Variants in ST8SIA5 observed in about 807,000 individuals in gnomAD.
ST8SIA5 encodes ST8 alpha-N-acetyl-neuraminide alpha-2,8-sialyltransferase 5.
A neutral mutation model predicts 40.2 loss-of-function variants in ST8SIA5; 24 were observed. The ratio of observed to expected loss-of-function variants is 0.60; its 90% CI spans 0.43 to 0.84. The LOEUF is 0.84. Ranked by LOEUF, ST8SIA5 falls within the 40% of genes least tolerant of loss-of-function variation. ST8SIA5 has a pLI of 0.00. For synonymous variants in ST8SIA5, 198 were observed against 201.8 expected, an observed-to-expected ratio of 0.98 and a Z score of 0.16; for missense variants, 465 against 498.5, an observed-to-expected ratio of 0.93 and a Z score of 0.64.
intron 1 of ST8SIA5, among the ~76,000 whole-genome samples, chr18:46,740,324 G>T (rs1487239918): frequency 6.6e-6 from 1 of 151,742 alleles, no homozygotes; most frequent in East Asian, 1.9e-4. Context: ...CACAAATAAT[G>T]CAAAAGAGAA....
At position 46,688,882 on chromosome 18, in the gene ST8SIA5, G is replaced by A; in HGVS notation, c.349C>T (p.Leu117Phe). 6.2e-7 allele frequency: 1 copy of A among 1,614,144 alleles called. No homozygotes were observed. The highest frequency in any genetic ancestry group is 8.5e-7 in the Non-Finnish European group (1 of 1,180,006). The change falls in exon 4 of 7, where the codon CTC becomes TTC. Residue 117 changes from leucine to phenylalanine, a missense_variant. Leu to Phe is a conservative substitution (Grantham distance 22, BLOSUM62 0). Transcript: ENST00000315087. ...LSRCCNAPAFLFTTQKNTPLG... is the reference protein window; with the variant it reads ...LSRCCNAPAFFFTTQKNTPLG... ...GGAGTGTTCTTCTGGGTGGTGAAGA[G>A]AAAGGCAGGGGCGTTGCAGCACCTG...
chr18:46,744,824 T>A (rs2040122845), intron 1 of ST8SIA5, among the ~76,000 whole-genome samples: 1 of 152,288 alleles, frequency 6.6e-6, no homozygotes, highest in East Asian at 1.9e-4. Context: ...AGTAAAGCAC[T>A]CCTCAGCAAA....
intron 1 of ST8SIA5, among the ~76,000 whole-genome samples, chr18:46,710,441 CTTTT>C (rs1407261571): frequency 7.1e-6 from 1 of 140,004 alleles, no homozygotes; most frequent in Non-Finnish European, 1.6e-5. Context: ...CTTTCTTTTT[CTTTT>C]TCTTTCTCTC....
At chr18:46,741,125 A>G (rs2144559573) in intron 1 of ST8SIA5, among the ~76,000 whole-genome samples, 1 of 152,302 alleles carries the variant, frequency 6.6e-6, no homozygotes, top group South Asian at 2.1e-4. Flanking sequence ...AAATCTGATC[A>G]TTTTACAGAG....
chr18:46,676,495 C>A lies in ST8SIA5; in HGVS notation c.*3547G>T, dbSNP rs1269699534. ...TCAGTTGTTTCTAAGCACTGCTCTG[C>A]TTCCTCCCTGCTCTCAGCAAAGTCA... On this transcript the variant is annotated 3_prime_UTR_variant, in exon 7 of 7. Transcript: ENST00000315087. 1 of 152,298 alleles carries A rather than the reference C, an allele frequency of 6.6e-6. No individual in the cohort carries two copies. The highest frequency in any genetic ancestry group is 2.4e-5 in the African/African-American group (1 of 41,472). 9.4% of individuals were successfully genotyped at this position (152,298 alleles called of 1,614,324 possible).
At chr18:46,703,601 T>C (rs918999787) in intron 2 of ST8SIA5, among the ~76,000 whole-genome samples, 1 of 152,112 alleles carries the variant, frequency 6.6e-6, no homozygotes, top group Admixed American at 6.5e-5. Context: ...TGCACACTAG[T>C]TGGAATCACA....
intron 2 of ST8SIA5, among the ~76,000 whole-genome samples, chr18:46,697,254 A>G (rs1419586427): frequency 2.6e-5 from 4 of 152,198 alleles, no homozygotes; most frequent in African/African-American, 7.2e-5. Context: ...AAGGTTAAAT[A>G]TGGATAGATA....
rs540570723 is a variant in ST8SIA5, at chr18:46,724,966, C to T, written c.132-20302G>A. 4.9e-4 allele frequency among the ~76,000 whole-genome samples: 57 copies of T among 116,038 alleles called. 1 individual carries two copies. In the South Asian group the frequency reaches 0.014, roughly 28 times the overall value. 76.1% of individuals were successfully genotyped at this position (116,038 alleles called of 152,430 possible). On this transcript the variant is annotated intron_variant, in intron 1 of 6. Transcript: ENST00000315087. The stretch of plus-strand genomic sequence containing the variant: ...CTCCAGCCTGGGTGACAGAGCAAGA[C>T]GAAAGAAAGGAAGAAAGAGAGAGAG...
chr18:46,729,611 C>T (rs1310068798), intron 1 of ST8SIA5, among the ~76,000 whole-genome samples: 1 of 152,196 alleles, frequency 6.6e-6, no homozygotes, highest in Non-Finnish European at 1.5e-5. Context: ...ACAAGTTTTA[C>T]AGTGGATAAT....
chr18:46,684,236 G>A (rs1327165471), intron 5 of ST8SIA5, among the ~76,000 whole-genome samples: 1 of 152,140 alleles, frequency 6.6e-6, no homozygotes, highest in Non-Finnish European at 1.5e-5. Flanking sequence ...TCGAGCTAGA[G>A]AAATGACATG....
chr18:46,730,479 T>C (rs2039975307), intron 1 of ST8SIA5: 1 of 154,422 alleles, frequency 6.5e-6, no homozygotes, highest in African/African-American at 2.4e-5. Flanking sequence ...GAGTGGTTGA[T>C]GGACAAGGTG....
At chr18:46,710,439 T>C (rs1456069941) in intron 1 of ST8SIA5, among the ~76,000 whole-genome samples, 8 of 138,860 alleles carry the variant, frequency 5.8e-5, no homozygotes, top group South Asian at 2.3e-4. Flanking sequence ...CTCTTTCTTT[T>C]TCTTTTTCTT....
At chr18:46,743,050 C>T (rs978726254) in intron 1 of ST8SIA5, among the ~76,000 whole-genome samples, 23 of 152,212 alleles carry the variant, frequency 1.5e-4, no homozygotes, top group African/African-American at 3.9e-4. Context: ...TACACCAAAA[C>T]GCCATTTGTA....
chr18:46,686,816 C>CAAAAAAA (rs752731256), intron 4 of ST8SIA5, among the ~76,000 whole-genome samples: 21 of 120,974 alleles, frequency 1.7e-4, no homozygotes, highest in African/African-American at 5.9e-4. Flanking sequence ...CAGAGAAAGG[C>CAAAAAAA]AAAAAAAAAA....
In ST8SIA5 at chr18:46,692,223, T is replaced by C. The variant is rs1459587590; in HGVS notation, c.257A>G (p.Lys86Arg). 3 of 1,614,110 alleles carry C rather than the reference T, an allele frequency of 1.9e-6. No homozygotes were observed. The highest frequency in any genetic ancestry group is 2.5e-6 in the Non-Finnish European group (3 of 1,180,014). The change falls in exon 3 of 7, where the codon AAG becomes AGG. Residue 86 changes from lysine (K) to arginine (R), a missense_variant. Transcript: ENST00000315087. Reference sequence around the variant, plus strand: ...CGCCCATTTGCACATCTGGAGGCTCTTCCACCTGTCGAACAGCTCTGACTG... The same window carrying C: ...CGCCCATTTGCACATCTGGAGGCTCCTCCACCTGTCGAACAGCTCTGACTG... ...VKQSELFDRWKSLQMCKWAMN... is the reference protein window; with the variant it reads ...VKQSELFDRWRSLQMCKWAMN...
intron 3 of ST8SIA5, among the ~76,000 whole-genome samples, chr18:46,689,207 G>A (rs1369206927): frequency 1.3e-5 from 2 of 152,038 alleles, no homozygotes; most frequent in East Asian, 3.9e-4. Flanking sequence ...CCTCTCCCAA[G>A]GCCCCTGCCT....
At chr18:46,724,325 TTGC>T (rs1384714641) in intron 1 of ST8SIA5, among the ~76,000 whole-genome samples, 1 of 152,258 alleles carries the variant, frequency 6.6e-6, no homozygotes, top group African/African-American at 2.4e-5. Flanking sequence ...CAGCGATGCT[TTGC>T]TGAGTAACAG....
At chr18:46,692,063 G>A (rs1411755997) in intron 3 of ST8SIA5, 106 bp downstream of exon 3, 1 of 1,189,276 alleles carries the variant, frequency 8.4e-7, no homozygotes, top group Non-Finnish European at 1.3e-6. Context: ...CTGCTCTGGG[G>A]AAGATGCACG....
chr18:46,719,212 G>T (rs2039825981), intron 1 of ST8SIA5, among the ~76,000 whole-genome samples: 1 of 152,220 alleles, frequency 6.6e-6, no homozygotes, highest in South Asian at 2.1e-4. Flanking sequence ...TAACAATGTT[G>T]CATCAAAGGC....
Sources: allele counts gnomAD v4.1 joint callset (sites outside exome capture counted in the v4.1 genomes callset), GRCh38; gene constraint gnomAD v4.1.1; transcripts MANE v1.5; gene names NCBI Gene and HGNC (gene_info 2026-07-23, HGNC 2026-07-21).